Variants in KANK4 observed in about 807,000 individuals in gnomAD.
KANK4 encodes KN motif and ankyrin repeat domains 4, also known as KN motif and ankyrin repeat domain-containing protein 4.
Under a neutral mutation model 80.8 loss-of-function variants are expected in KANK4, and 50 were observed. That is an observed-to-expected ratio of 0.62 (90% confidence interval 0.49 to 0.78). The LOEUF (loss-of-function observed/expected upper bound fraction) is 0.78. KANK4 is among the 30% of genes least tolerant of loss of function. KANK4 has a pLI of 0.00. For synonymous variants in KANK4, 465 were observed against 506.9 expected (o/e 0.92, Z 1.11); for missense variants, 1,196 against 1,240.1 (o/e 0.96, Z 0.53).
chr1:62,279,198 G>GCGCGCGCGCACACACA (rs1282615199), intron 2 of KANK4, among the ~76,000 whole-genome samples: 14 of 146,290 alleles, frequency 9.6e-5, no homozygotes, highest in African/African-American at 3.6e-4. Flanking sequence ...GCTAGCGCGC[G>GCGCGCGCGCACACACA]CACACACACA....
chr1:62,238,272 A>G lies in KANK4; in HGVS notation c.*5T>C. 6.2e-7 allele frequency: 1 copy of G among 1,607,744 alleles called. No homozygotes were observed. Among genetic ancestry groups the G allele is most frequent in the South Asian group, 1.1e-5 (1 of 90,940 alleles). On this transcript the variant is annotated 3_prime_UTR_variant, in exon 10 of 10. Coordinates refer to ENST00000371153, the MANE Select transcript of KANK4 (RefSeq NM_181712.5). Reference sequence around the variant, plus strand: ...TGTTCCCCACGGCCAGTTCTTCTGCAGCCCCTACAGCCCCAGGGACCTGCC... The same window carrying G: ...TGTTCCCCACGGCCAGTTCTTCTGCGGCCCCTACAGCCCCAGGGACCTGCC...
chr1:62,248,139 T>C (rs765800108), intron 8 of KANK4, among the ~76,000 whole-genome samples: 1 of 152,134 alleles, frequency 6.6e-6, no homozygotes, highest in Non-Finnish European at 1.5e-5. Context: ...CTCTGCTCAA[T>C]GCCTCTGAAA....
chr1:62,267,313 CTG>C (rs1491361606), intron 5 of KANK4, among the ~76,000 whole-genome samples: 1 of 59,188 alleles, frequency 1.7e-5, no homozygotes, highest in Non-Finnish European at 3.0e-5. Flanking sequence ...CTCGTTGAAG[CTG>C]GGTGTCCACA....
At chr1:62,294,011 C>T (rs1644337600) in intron 1 of KANK4, among the ~76,000 whole-genome samples, 1 of 152,164 alleles carries the variant, frequency 6.6e-6, no homozygotes. Flanking sequence ...CAACCGTGAC[C>T]CTTAATGGCT....
At chr1:62,299,253 C>A (rs1427811523) in intron 1 of KANK4, among the ~76,000 whole-genome samples, 1 of 152,024 alleles carries the variant, frequency 6.6e-6, no homozygotes, top group African/African-American at 2.4e-5. Context: ...TAAAGACAGG[C>A]TCTCATTATG....
At chr1:62,316,762 T>G (rs142046305) in intron 1 of KANK4, among the ~76,000 whole-genome samples, 7 of 152,336 alleles carry the variant, frequency 4.6e-5, no homozygotes, top group African/African-American at 1.7e-4. Context: ...CAGGACAGTT[T>G]CCATCCAACA....
intron 1 of KANK4, among the ~76,000 whole-genome samples, chr1:62,295,079 G>T (rs1457675139): frequency 6.6e-6 from 1 of 152,122 alleles, no homozygotes; most frequent in Non-Finnish European, 1.5e-5. Flanking sequence ...AGGTGTCACA[G>T]AATGGTGGGG....
chr1:62,278,550 G>A (rs754474148), intron 2 of KANK4, among the ~76,000 whole-genome samples: 14 of 140,082 alleles, frequency 1.0e-4, no homozygotes, highest in African/African-American at 3.6e-4. Context: ...GTGCCACCAT[G>A]CCTGGCTATT....
At chr1:62,287,853 G>A (rs910614895) in intron 1 of KANK4, among the ~76,000 whole-genome samples, 1 of 152,180 alleles carries the variant, frequency 6.6e-6, no homozygotes, top group Non-Finnish European at 1.5e-5. Context: ...ACTGGTAAAA[G>A]TATTTTTCCA....
intron 1 of KANK4, among the ~76,000 whole-genome samples, chr1:62,306,621 C>G (rs532927182): frequency 6.6e-6 from 1 of 152,124 alleles, no homozygotes; most frequent in South Asian, 2.1e-4. Context: ...CCCTGTTGCT[C>G]AGGCAGAGGT....
At chr1:62,259,668 G>A (rs1671832393) in intron 7 of KANK4, among the ~76,000 whole-genome samples, 1 of 151,384 alleles carries the variant, frequency 6.6e-6, no homozygotes. Flanking sequence ...TTCATGGTCT[G>A]TAAAGTGGGA....
intron 1 of KANK4, among the ~76,000 whole-genome samples, chr1:62,300,143 C>T (rs550825054): frequency 3.9e-4 from 59 of 152,246 alleles, no homozygotes; most frequent in African/African-American, 1.3e-3. Context: ...CCAGTGGCTC[C>T]AGTCTCTCCA....
chr1:62,285,217 C>T (rs1031189360), intron 1 of KANK4, among the ~76,000 whole-genome samples: 1 of 152,252 alleles, frequency 6.6e-6, no homozygotes, highest in African/African-American at 2.4e-5. Flanking sequence ...GCCTATGGGG[C>T]GGTAAGGAGG....
chr1:62,296,820 G>A (rs575951472), intron 1 of KANK4, among the ~76,000 whole-genome samples: 19 of 152,208 alleles, frequency 1.2e-4, no homozygotes, highest in Admixed American at 2.6e-4. Context: ...GATTATAGGC[G>A]TGAGCCACCA....
chr1:62,303,460 T>C (rs1352448206), intron 1 of KANK4, among the ~76,000 whole-genome samples: 1 of 152,028 alleles, frequency 6.6e-6, no homozygotes, highest in African/African-American at 2.4e-5. Flanking sequence ...TGAGGTTTCC[T>C]GACCAGCCCC....
rs1420040026 is a variant in KANK4, at chr1:62,278,320, T to TCTTTCTTTCTTTCCTTCCTTCCTTCCTTC, written c.16+3228_16+3229insGAAGGAAGGAAGGAAGGAAAGAAAGAAAG. On this transcript the variant is annotated intron_variant, in intron 2 of 9. Coordinates refer to ENST00000371153, the MANE Select transcript of KANK4 (RefSeq NM_181712.5). ...GGCATTTCCTGGGGCACATTTTCTT[T>TCTTTCTTTCTTTCCTTCCTTCCTTCCTTC]CTTCCTTCCTTCCTTCCTTCCTTCC... Among the ~76,000 whole-genome samples, 4 of 60,514 alleles carry TCTTTCTTTCTTTCCTTCCTTCCTTCCTTC rather than the reference T, an allele frequency of 6.6e-5. 1 individual carries two copies. Among genetic ancestry groups the TCTTTCTTTCTTTCCTTCCTTCCTTCCTTC allele is most frequent in the African/African-American group, 2.2e-4 (4 of 18,128 alleles). 39.7% of individuals were successfully genotyped at this position (60,514 alleles called of 152,430 possible).
intron 7 of KANK4, among the ~76,000 whole-genome samples, chr1:62,261,152 CTTTTT>C (rs11322195): frequency 5.9e-5 from 4 of 68,376 alleles, no homozygotes; most frequent in East Asian, 5.4e-4. Context: ...CTCCCAATGG[CTTTTT>C]TTTTTTTTTT....
chr1:62,318,386 A>G lies in KANK4; in HGVS notation c.-71+720T>C, dbSNP rs967734688. On this transcript the variant is annotated intron_variant, in intron 1 of 9. Transcript: ENST00000371153. ...GACTTTCCAACTCCCATTTCTGGCC[A>G]GTCTGCGGGGTCAAAGTACCCAGTC... Among the ~76,000 whole-genome samples, 28 of 152,356 alleles carry G rather than the reference A, an allele frequency of 1.8e-4. 1 individual carries two copies. Among genetic ancestry groups the G allele is most frequent in the Admixed American group, 1.5e-3 (23 of 15,308 alleles).
At chr1:62,286,156 G>A (rs1199039900) in intron 1 of KANK4, among the ~76,000 whole-genome samples, 8 of 152,246 alleles carry the variant, frequency 5.3e-5, no homozygotes. Flanking sequence ...GGAGCTTCAC[G>A]AAGAAGAGAA....
Sources: allele counts gnomAD v4.1 joint callset (sites outside exome capture counted in the v4.1 genomes callset), GRCh38; gene constraint gnomAD v4.1.1; transcripts MANE v1.5; gene names NCBI Gene and HGNC (gene_info 2026-07-23, HGNC 2026-07-21).